Variants in CEP70 observed in about 807,000 individuals in gnomAD.
The protein encoded by CEP70 is centrosomal protein of 70 kDa.
A neutral mutation model predicts 90.9 loss-of-function variants in CEP70; 70 were observed. The observed-to-expected ratio is 0.77, with a 90% CI of 0.64 to 0.94. The LOEUF (loss-of-function observed/expected upper bound fraction) is 0.94, where lower values mean the gene tolerates loss of function less well. Ranked by LOEUF, CEP70 falls within the 40% of genes least tolerant of loss-of-function variation. CEP70 has a pLI of 0.00. For missense variants in CEP70, 648 were observed against 669.0 expected (o/e 0.97, Z 0.35); for synonymous variants, 220 against 228.3 (o/e 0.96, Z 0.33).
chr3:138,525,427 AAAAT>A (rs984567830), intron 11 of CEP70, 59 bp downstream of exon 11: 136 of 591,848 alleles, frequency 2.3e-4, no homozygotes, highest in African/African-American at 2.1e-3. Flanking sequence ...AATAAAAATA[AAAAT>A]AAATAAATAA....
chr3:138,508,297 C>A, intron 12 of CEP70, 142 bp downstream of exon 12: 1 of 627,750 alleles, frequency 1.6e-6, no homozygotes, highest in South Asian at 1.8e-5. Context: ...ATAGTTATGT[C>A]ACGGAAAGAC....
In CEP70 at chr3:138,580,267, C is replaced by T. The variant is rs577279866; in HGVS notation, c.-5-7335G>A. ...AGACCAAGTACAGTCCCAGTAGGGC[C>T]GGCCACAGGGATGCCTGTGTCACCC... On this transcript the variant is annotated intron_variant, in intron 2 of 17. Coordinates refer to ENST00000264982, the MANE Select transcript of CEP70 (RefSeq NM_024491.4). Among the ~76,000 whole-genome samples, 135 of 152,196 alleles carry T rather than the reference C, an allele frequency of 8.9e-4. 1 individual carries two copies. Among genetic ancestry groups the T allele is most frequent in the African/African-American group, 3.1e-3 (130 of 41,536 alleles).
At chr3:138,496,698 C>G (rs2033978808) in intron 17 of CEP70, 1 of 985,156 alleles carries the variant, frequency 1.0e-6, no homozygotes, top group Non-Finnish European at 1.2e-6. Context: ...TTAGTGACAC[C>G]TATTAATTAA....
intron 11 of CEP70, among the ~76,000 whole-genome samples, chr3:138,524,965 G>A (rs1253666426): frequency 7.2e-5 from 11 of 152,136 alleles, no homozygotes; most frequent in African/African-American, 2.2e-4. Flanking sequence ...ACATGCACAC[G>A]TATGTTTATT....
At chr3:138,559,007 A>C (rs959857060) in intron 6 of CEP70, among the ~76,000 whole-genome samples, 3 of 152,248 alleles carry the variant, frequency 2.0e-5, no homozygotes, top group African/African-American at 7.2e-5. Flanking sequence ...AATATTATGC[A>C]AACACCACCT....
intron 6 of CEP70, among the ~76,000 whole-genome samples, chr3:138,551,703 G>A (rs534407791): frequency 1.8e-4 from 27 of 147,358 alleles, no homozygotes; most frequent in South Asian, 4.3e-4. Context: ...CCGATATCCC[G>A]CCACTGCACT....
intron 2 of CEP70, among the ~76,000 whole-genome samples, chr3:138,581,694 C>CAAAAAAAAAAAA (rs35064874): frequency 1.5e-4 from 12 of 79,324 alleles, no homozygotes; most frequent in African/African-American, 2.4e-4. Flanking sequence ...AAACTTGTCT[C>CAAAAAAAAAAAA]AAAAAAAAAA....
At chr3:138,536,492 G>A (rs2038274548) in intron 7 of CEP70, among the ~76,000 whole-genome samples, 1 of 151,856 alleles carries the variant, frequency 6.6e-6, no homozygotes. Context: ...AGATATTTTA[G>A]AAATATACAT....
intron 6 of CEP70, among the ~76,000 whole-genome samples, chr3:138,562,737 G>A (rs967235761): frequency 1.3e-5 from 2 of 152,278 alleles, no homozygotes; most frequent in East Asian, 3.9e-4. Flanking sequence ...ACCAGTACCA[G>A]CCACCGCAAA....
chr3:138,520,251 A>T (rs1012931382), intron 11 of CEP70, among the ~76,000 whole-genome samples: 2 of 152,146 alleles, frequency 1.3e-5, no homozygotes, highest in African/African-American at 4.8e-5. Context: ...TTAACACCCC[A>T]CTGTCAACAT....
At chr3:138,546,375 T>C (rs1028339130) in intron 6 of CEP70, among the ~76,000 whole-genome samples, 1 of 152,244 alleles carries the variant, frequency 6.6e-6, no homozygotes. Flanking sequence ...TCTCTTGTCA[T>C]CAGCAAGATA....
intron 11 of CEP70, among the ~76,000 whole-genome samples, chr3:138,513,227 G>A (rs2035690221): frequency 6.6e-6 from 1 of 152,112 alleles, no homozygotes; most frequent in Admixed American, 6.6e-5. Context: ...TCAAGGACAC[G>A]CCACCTCCTT....
At chr3:138,561,471 C>T (rs1326324703) in intron 6 of CEP70, among the ~76,000 whole-genome samples, 1 of 151,928 alleles carries the variant, frequency 6.6e-6, no homozygotes, top group African/African-American at 2.4e-5. Flanking sequence ...TTCCAAAAAC[C>T]AGAACGCCTC....
chr3:138,591,923 CCAA>C lies in CEP70; in HGVS notation c.-78_-76del. ...AGGTTGATCTCAATGAAATGATCAC[CCAA>C]CGAGTCTCATGTCTGAAACTGGATC... On this transcript the variant is annotated 5_prime_UTR_variant, in exon 2 of 18. Transcript: ENST00000264982. 7.6e-7 allele frequency: 1 copy of C among 1,309,604 alleles called. No homozygotes were observed. Among genetic ancestry groups the C allele is most frequent in the South Asian group, 1.5e-5 (1 of 68,182 alleles). 81.1% of individuals were successfully genotyped at this position (1,309,604 alleles called of 1,614,324 possible). A position where few individuals can be genotyped will look rare whatever the true frequency, so the allele number is the denominator to read the frequency against.
intron 1 of CEP70, chr3:138,593,619 A>T (rs555095458): frequency 2.6e-5 from 4 of 152,288 alleles, no homozygotes; most frequent in African/African-American, 9.6e-5. Flanking sequence ...GGCATTTTTC[A>T]CCTTGAAAAA....
chr3:138,522,275 C>A, intron 11 of CEP70, among the ~76,000 whole-genome samples: 2 of 137,348 alleles, frequency 1.5e-5, no homozygotes, highest in African/African-American at 2.7e-5. Flanking sequence ...CAAGAATGAT[C>A]AATAAATACT....
chr3:138,504,345 C>T (rs1157917142), intron 13 of CEP70, among the ~76,000 whole-genome samples: 1 of 152,138 alleles, frequency 6.6e-6, no homozygotes, highest in Non-Finnish European at 1.5e-5. Context: ...ACATCACCAC[C>T]CCCAATTTTG....
chr3:138,529,390 A>G lies in CEP70; in HGVS notation c.765T>C (p.Tyr255=), dbSNP rs142257592. 1.6e-5 allele frequency: 25 copies of G among 1,608,670 alleles called. No homozygotes were observed. The African/African-American group carries it at 1.9e-4, about 12-fold the overall frequency. Residue 255 remains tyrosine (Y), a synonymous_variant, in exon 9 of 18, where the codon TAT becomes TAC. Coordinates refer to ENST00000264982, the MANE Select transcript of CEP70 (RefSeq NM_024491.4). ...DYRNLDASPT[Y]KGLLMSLQNQ... ...GTCCCCATACCATTAAAAGGCCTTT[A>G]TAAGTTGGTGAGGCATCCAGATTTC... is the stretch of plus-strand genomic sequence containing the variant.
intron 6 of CEP70, among the ~76,000 whole-genome samples, chr3:138,542,238 T>A (rs776631378): frequency 6.6e-6 from 1 of 152,186 alleles, no homozygotes; most frequent in Non-Finnish European, 1.5e-5. Flanking sequence ...TGTGAGACTG[T>A]GGCTGGACCA....
Sources: gnomAD v4.1 joint callset for allele counts (sites outside exome capture counted in the v4.1 genomes callset) on GRCh38, gnomAD v4.1.1 for gene constraint, MANE v1.5 for transcripts, NCBI Gene and HGNC (gene_info 2026-07-23, HGNC 2026-07-21) for gene names.